DHCR24: variants seen among roughly 807,000 people sequenced by gnomAD.
The protein encoded by DHCR24 is 24-dehydrocholesterol reductase.
A neutral mutation model predicts 61.2 loss-of-function variants in DHCR24; 28 were observed. That is an observed-to-expected ratio of 0.46 (90% CI 0.34 to 0.63). The LOEUF is 0.63. Among genes scored for constraint, DHCR24 ranks in the 20% least tolerant of loss-of-function variants. DHCR24 has a pLI of 0.01. For missense variants in DHCR24, 538 were observed against 679.1 expected, an observed-to-expected ratio of 0.79 and a Z score of 2.31; for synonymous variants, 261 against 275.9, an observed-to-expected ratio of 0.95 and a Z score of 0.54.
At position 54,887,123 on chromosome 1, in the gene DHCR24, G is replaced by A; in HGVS notation, c.-4C>T. ...CCAGCGACACGGCGGGCTCCATGGT[G>A]CGGCGCCGCGCGGTAAGCGCTGCGG... On this transcript the variant is annotated 5_prime_UTR_variant, in exon 1 of 9. Transcript: ENST00000371269. The A allele has an allele frequency of 6.4e-7, 1 of 1,564,208 alleles. No individual in the cohort carries two copies. The highest frequency in any genetic ancestry group is 1.9e-5 in the Admixed American group (1 of 52,096).
chr1:54,882,384 C>G (rs147709060), intron 2 of DHCR24, among the ~76,000 whole-genome samples: 137 of 152,328 alleles, frequency 9.0e-4, no homozygotes, highest in African/African-American at 3.1e-3. Flanking sequence ...AACACTCACG[C>G]TGCTGGTGGA....
At position 54,851,879 on chromosome 1, in the gene DHCR24, A is replaced by G; in HGVS notation, c.*354T>C. ...AGCTACCACTTACCCAGCACCTTCA[A>G]TGTGACCAGTGCTCAACTCAGATGA... On this transcript the variant is annotated 3_prime_UTR_variant, in exon 9 of 9. Coordinates refer to ENST00000371269, the MANE Select transcript of DHCR24 (RefSeq NM_014762.4). 2 of 323,972 alleles carry G rather than the reference A, an allele frequency of 6.2e-6. No homozygotes were observed. The highest frequency in any genetic ancestry group is 1.2e-5 in the Non-Finnish European group (2 of 169,384). The allele number at this position is 323,972 out of a possible 1,614,324, so 20.1% of individuals were successfully genotyped here.
At chr1:54,886,570 C>T (rs1179907234) in intron 1 of DHCR24, 1 of 1,375,390 alleles carries the variant, frequency 7.3e-7, no homozygotes, top group East Asian at 3.7e-5. Context: ...AGCTCCACCT[C>T]CCGGAAGCCT....
In DHCR24 at chr1:54,871,410, G is replaced by A; in HGVS notation, c.816C>T (p.Tyr272=). 1 of 1,614,214 alleles carries A rather than the reference G, an allele frequency of 6.2e-7. No individual in the cohort carries two copies. The highest frequency in any genetic ancestry group is 8.5e-7 in the Non-Finnish European group (1 of 1,180,034). ...QENHFVEGLL[Y]SLDEAVIMTG... ...TCATAATGACAGCCTCATCCAGGGAGTAGAGCAGCCCTTCCACGAAGTGGT... is the reference window on the plus strand; with the variant it reads ...TCATAATGACAGCCTCATCCAGGGAATAGAGCAGCCCTTCCACGAAGTGGT... The change falls in exon 5 of 9, where the codon TAC becomes TAT. Residue 272 remains tyrosine, a synonymous_variant. Transcript: ENST00000371269.
In DHCR24 at chr1:54,881,652, A is replaced by C. The variant is rs117181289; in HGVS notation, c.387+1966T>G. On this transcript the variant is annotated intron_variant, in intron 2 of 8. Coordinates refer to ENST00000371269, the MANE Select transcript of DHCR24 (RefSeq NM_014762.4). ...CTCATTACTGGGTATATATACCCAA[A>C]GGAATATAAACCATTGTATCATAAA... Among the ~76,000 whole-genome samples, 1,331 of 152,302 alleles carry C rather than the reference A, an allele frequency of 8.7e-3. 56 individuals are homozygous for C. In the East Asian group the frequency reaches 0.12, roughly 14 times the overall value.
At chr1:54,856,326 G>A (rs1416975795) in intron 6 of DHCR24, among the ~76,000 whole-genome samples, 1 of 152,218 alleles carries the variant, frequency 6.6e-6, no homozygotes, top group African/African-American at 2.4e-5. Flanking sequence ...GATCGGGTGC[G>A]GTGGCTCATG....
At position 54,852,205 on chromosome 1, in the gene DHCR24, G is replaced by A. The variant is rs747190397; in HGVS notation, c.*28C>T. On this transcript the variant is annotated 3_prime_UTR_variant, in exon 9 of 9. Coordinates refer to ENST00000371269, the MANE Select transcript of DHCR24 (RefSeq NM_014762.4). The stretch of plus-strand genomic sequence containing the variant: ...AGGGAAGATGCCTGACCACTCACAC[G>A]TGTCTGTCTCTCCAGGCGGGCTCCA... The A allele has an allele frequency of 1.9e-6, 3 of 1,613,910 alleles. No individual in the cohort carries two copies. The highest frequency in any genetic ancestry group is 1.6e-4 in the Middle Eastern group (1 of 6,062).
At chr1:54,859,124 T>G (rs1165254448) in intron 6 of DHCR24, among the ~76,000 whole-genome samples, 1 of 152,184 alleles carries the variant, frequency 6.6e-6, no homozygotes, top group Non-Finnish European at 1.5e-5. Context: ...CCTTGGTCTC[T>G]CTCTTGGATC....
At chr1:54,875,894 G>T (rs368429632) in intron 3 of DHCR24, 48 bp downstream of exon 3, 59 of 1,529,210 alleles carry the variant, frequency 3.9e-5, no homozygotes, top group Non-Finnish European at 4.8e-5. Context: ...ATCAGCTCCG[G>T]TCCTAGGACC....
chr1:54,860,395 G>T (rs1451437666), intron 6 of DHCR24, among the ~76,000 whole-genome samples: 1 of 151,960 alleles, frequency 6.6e-6, no homozygotes, highest in Non-Finnish European at 1.5e-5. Flanking sequence ...TCCCCTCCTT[G>T]TTAACTAGAA....
chr1:54,854,317 C>A (rs1646895144), intron 6 of DHCR24, 83 bp from the exon 7 acceptor site: 1 of 1,282,418 alleles, frequency 7.8e-7, no homozygotes, highest in Admixed American at 1.9e-5. Context: ...GGGGCCAGGT[C>A]CCATTCTGTG....
At chr1:54,886,769 C>A in intron 1 of DHCR24, 120 bp downstream of exon 1, 1 of 1,506,708 alleles carries the variant, frequency 6.6e-7, no homozygotes, top group Non-Finnish European at 8.9e-7. Context: ...GCCAGCTCCC[C>A]ACCCCCCCAG....
intron 8 of DHCR24, among the ~76,000 whole-genome samples, chr1:54,852,678 A>G (rs1380567478): frequency 6.6e-6 from 1 of 152,260 alleles, no homozygotes; most frequent in East Asian, 1.9e-4. Context: ...TGCCTTCCCT[A>G]ATGGAGCAGT....
At chr1:54,882,595 T>C (rs1268122765) in intron 2 of DHCR24, among the ~76,000 whole-genome samples, 2 of 152,190 alleles carry the variant, frequency 1.3e-5, no homozygotes, top group African/African-American at 2.4e-5. Context: ...AAAATGTCCA[T>C]CAGTAGGTGA....
At chr1:54,861,119 G>T (rs1359356680) in intron 6 of DHCR24, among the ~76,000 whole-genome samples, 2 of 152,078 alleles carry the variant, frequency 1.3e-5, no homozygotes, top group Non-Finnish European at 2.9e-5. Context: ...CATGTCCTTG[G>T]CCACTGGCTC....
At position 54,887,170 on chromosome 1, in the gene DHCR24, C is replaced by T. The variant is rs17552526; in HGVS notation, c.-51G>A. On this transcript the variant is annotated 5_prime_UTR_variant, in exon 1 of 9. Transcript: ENST00000371269. ...GCGGGTTCGCGCCTCCTGTCACTGCCGCCAGCTCCGCGCCTGGCCCGCTCT... is the reference window on the plus strand; with the variant it reads ...GCGGGTTCGCGCCTCCTGTCACTGCTGCCAGCTCCGCGCCTGGCCCGCTCT... 1.4e-6 allele frequency: 2 copies of T among 1,465,566 alleles called. No individual in the cohort carries two copies. The highest frequency in any genetic ancestry group is 2.0e-5 in the Admixed American group (1 of 50,436). The allele number at this position is 1,465,566 out of a possible 1,614,324, so 90.8% of individuals were successfully genotyped here. A position where few individuals can be genotyped will look rare whatever the true frequency, so the allele number is the denominator to read the frequency against.
At chr1:54,886,273 C>T (rs1171720088) in intron 1 of DHCR24, among the ~76,000 whole-genome samples, 2 of 152,166 alleles carry the variant, frequency 1.3e-5, no homozygotes, top group African/African-American at 4.8e-5. Flanking sequence ...GTGAGCCCTC[C>T]GTCAGCAGAG....
chr1:54,853,535 C>T lies in DHCR24; in HGVS notation c.1296G>A (p.Glu432=), dbSNP rs1646889864. Residue 432 remains glutamate, a synonymous_variant, in exon 8 of 9, where the codon GAG becomes GAA. Coordinates refer to ENST00000371269, the MANE Select transcript of DHCR24 (RefSeq NM_014762.4). ...CATATGCTCCAATGTCGATGTAGAG[C>T]TCTGCCTCATTTCCTTTGGGGTGCA... ...GLVHPKGNEA[E]LYIDIGAYGE... 2 of 1,614,208 alleles carry T rather than the reference C, an allele frequency of 1.2e-6. No homozygotes were observed. Among genetic ancestry groups the T allele is most frequent in the East Asian group, 2.2e-5 (1 of 44,886 alleles).
intron 6 of DHCR24, 60 bp from the exon 7 acceptor site, chr1:54,854,294 G>T: frequency 6.7e-7 from 1 of 1,484,374 alleles, no homozygotes; most frequent in Middle Eastern, 1.8e-4. Context: ...ATGTCTCCAA[G>T]TGCAAGGGGC....
Sources: gnomAD v4.1 joint callset for allele counts (sites outside exome capture counted in the v4.1 genomes callset) on GRCh38, gnomAD v4.1.1 for gene constraint, MANE v1.5 for transcripts, NCBI Gene and HGNC (gene_info 2026-07-23, HGNC 2026-07-21) for gene names.